MRPS21: variants seen among roughly 807,000 people sequenced by gnomAD.
The protein encoded by MRPS21 is small ribosomal subunit protein bS21m.
A neutral mutation model predicts 9.9 loss-of-function variants in MRPS21; 8 were observed. The ratio of observed to expected loss-of-function variants is 0.81; its 90% CI spans 0.47 to 1.45. The LOEUF (loss-of-function observed/expected upper bound fraction) is 1.45. MRPS21 is among the 40% of genes most tolerant of loss of function. The pLI is 0.00. For missense variants in MRPS21, 101 were observed against 118.9 expected (o/e 0.85, Z 0.70); for synonymous variants, 40 against 40.3 (o/e 0.99, Z 0.03).
chr1:150,299,573 GCCC>G (rs782447743), intron 2 of MRPS21, among the ~76,000 whole-genome samples: 1 of 152,076 alleles, frequency 6.6e-6, no homozygotes, highest in Non-Finnish European at 1.5e-5. Flanking sequence ...TCCTGCCTCA[GCCC>G]CCCGTGTAGC....
chr1:150,301,736 G>A (rs998148625), intron 2 of MRPS21, among the ~76,000 whole-genome samples: 3 of 151,704 alleles, frequency 2.0e-5, no homozygotes, highest in African/African-American at 7.3e-5. Flanking sequence ...CTCCCGAGTA[G>A]CTGGGATTAC....
chr1:150,308,019 G>A (rs782158405), intron 2 of MRPS21, 29 bp from the exon 3 acceptor site: 1 of 1,537,656 alleles, frequency 6.5e-7, no homozygotes, highest in South Asian at 1.2e-5. Flanking sequence ...GATCCCAAAT[G>A]TCTAACCTCA....
At chr1:150,302,956 GC>G (rs1654202470) in intron 2 of MRPS21, among the ~76,000 whole-genome samples, 1 of 152,134 alleles carries the variant, frequency 6.6e-6, no homozygotes, top group Non-Finnish European at 1.5e-5. Context: ...TCCAGGGAAT[GC>G]CATTTACCAA....
At chr1:150,306,238 T>G (rs71622688) in intron 2 of MRPS21, among the ~76,000 whole-genome samples, 11,759 of 152,284 alleles carry the variant, frequency 0.077, 571 homozygotes, top group Non-Finnish European at 0.093. Context: ...TCACAACCAC[T>G]TTCTTGTTCT....
intron 2 of MRPS21, among the ~76,000 whole-genome samples, chr1:150,295,463 T>A (rs1387889078): frequency 6.6e-6 from 1 of 152,192 alleles, no homozygotes; most frequent in Non-Finnish European, 1.5e-5. Flanking sequence ...TGACTCCTTT[T>A]ATGAGGAACC....
chr1:150,299,814 T>C (rs1553857334), intron 2 of MRPS21, among the ~76,000 whole-genome samples: 1 of 152,104 alleles, frequency 6.6e-6, no homozygotes, highest in African/African-American at 2.4e-5. Context: ...CAAACCTATT[T>C]CCTGGGTCGA....
intron 2 of MRPS21, among the ~76,000 whole-genome samples, chr1:150,300,671 C>G (rs1654082586): frequency 6.6e-6 from 1 of 152,228 alleles, no homozygotes; most frequent in South Asian, 2.1e-4. Flanking sequence ...ATGGGTAACA[C>G]CCCCACTCCT....
intron 2 of MRPS21, among the ~76,000 whole-genome samples, chr1:150,296,847 T>TA (rs1294429920): frequency 3.5e-4 from 52 of 149,316 alleles, no homozygotes; most frequent in Middle Eastern, 3.5e-3. Context: ...GGTGTCGCTT[T>TA]AAAAAAAAAA....
chr1:150,304,755 CAA>C (rs143084308), intron 2 of MRPS21: 39 of 129,488 alleles, frequency 3.0e-4, no homozygotes, highest in South Asian at 2.0e-3. Flanking sequence ...GACTCTGTCT[CAA>C]AAAAAAAAAA....
intron 2 of MRPS21, among the ~76,000 whole-genome samples, chr1:150,297,092 C>T (rs1653939637): frequency 6.7e-6 from 1 of 149,868 alleles, no homozygotes; most frequent in Admixed American, 6.7e-5. Flanking sequence ...GACATCGAGA[C>T]CATCCTGGCT....
intron 2 of MRPS21, chr1:150,303,977 C>A (rs1165319461): frequency 8.8e-6 from 4 of 453,862 alleles, no homozygotes; most frequent in African/African-American, 8.0e-5. Context: ...AGACACAACC[C>A]AATGAGGGGT....
intron 2 of MRPS21, among the ~76,000 whole-genome samples, chr1:150,302,061 C>A (rs72696807): frequency 0.084 from 12,842 of 152,212 alleles, 715 homozygotes; most frequent in Non-Finnish European, 0.12. Flanking sequence ...AATGTCCTCT[C>A]TCTAGCCACT....
At chr1:150,300,508 G>A (rs1168770191) in intron 2 of MRPS21, among the ~76,000 whole-genome samples, 2 of 152,050 alleles carry the variant, frequency 1.3e-5, no homozygotes, top group Non-Finnish European at 2.9e-5. Context: ...TTTAATGTTT[G>A]TCAAACTTTT....
intron 2 of MRPS21, among the ~76,000 whole-genome samples, chr1:150,296,620 G>A (rs1222596368): frequency 6.6e-6 from 1 of 152,180 alleles, no homozygotes; most frequent in Non-Finnish European, 1.5e-5. Context: ...GCTGCATTAA[G>A]GCCTTTAATG....
rs1572154708 is a variant in MRPS21 at position 150,308,031 on chromosome 1, TG to T, written c.84-16del. 7.1e-6 allele frequency: 11 copies of T among 1,552,532 alleles called. No individual in the cohort carries two copies. In the East Asian group the frequency reaches 2.5e-4, roughly 36 times the overall value. ...GATGATCCCAAATGTCTAACCTCAT[TG>T]CTTGCCTTTATACAGAATCCTCACT... is the stretch of plus-strand genomic sequence containing the variant. On this transcript the variant is annotated splice_polypyrimidine_tract_variant and intron_variant, in intron 2 of 2. Coordinates refer to ENST00000614145, the MANE Select transcript of MRPS21 (RefSeq NM_031901.6).
At position 150,308,118 on chromosome 1, in the gene MRPS21, C is replaced by T. The variant is rs782772843; in HGVS notation, c.154C>T (p.Arg52Ter). The T allele has an allele frequency of 6.2e-7, 1 of 1,607,876 alleles. No individual in the cohort carries two copies. The highest frequency in any genetic ancestry group is 8.5e-7 in the Non-Finnish European group (1 of 1,174,766). Residue 52 changes from arginine to a stop codon, truncating the protein, a stop_gained, in exon 3 of 3, where the codon CGA (arginine) becomes TGA (stop). Coordinates refer to ENST00000614145, the MANE Select transcript of MRPS21 (RefSeq NM_031901.6). LOFTEE classifies it high-confidence loss of function. ...GTATTATGAGAAGCCATGCTGCCGG[C>T]GACAGAGGGAAAGCTATGAAAGGTG... is the stretch of plus-strand genomic sequence containing the variant. Reference protein sequence around the residue: ...RRYYEKPCCRRQRESYERCRR... With the variant: ...RRYYEKPCCR
intron 2 of MRPS21, among the ~76,000 whole-genome samples, chr1:150,303,488 C>T (rs781929974): frequency 6.6e-5 from 10 of 152,154 alleles, no homozygotes; most frequent in Admixed American, 2.0e-4. Flanking sequence ...AAGAGTCTAG[C>T]CCAGCTCTTC....
chr1:150,294,523 C>T, intron 2 of MRPS21, 74 bp downstream of exon 2: 1 of 1,273,636 alleles, frequency 7.9e-7, no homozygotes, highest in Admixed American at 1.9e-5. Context: ...CTTCCCCTTT[C>T]GTTGATTGTT....
At chr1:150,300,635 G>C (rs191544679) in intron 2 of MRPS21, among the ~76,000 whole-genome samples, 1 of 152,136 alleles carries the variant, frequency 6.6e-6, no homozygotes, top group South Asian at 2.1e-4. Context: ...GGTGAACTTC[G>C]TATTCGTTGC....
Sources: gnomAD v4.1 joint callset for allele counts (sites outside exome capture counted in the v4.1 genomes callset) on GRCh38, gnomAD v4.1.1 for gene constraint, MANE v1.5 for transcripts, NCBI Gene and HGNC (gene_info 2026-07-23, HGNC 2026-07-21) for gene names.